Variants in ECE1 observed in about 807,000 individuals in gnomAD.
ECE1 encodes the protein endothelin-converting enzyme 1.
A neutral mutation model predicts 98.6 loss-of-function variants in ECE1; 35 were observed. That is an observed-to-expected ratio of 0.35 (90% CI 0.27 to 0.47). The LOEUF is 0.47. Ranked by LOEUF, ECE1 falls within the 20% of genes least tolerant of loss-of-function variation. The pLI is 1.00. For synonymous variants in ECE1, 394 were observed against 407.1 expected, an observed-to-expected ratio of 0.97 and a Z score of 0.39; for missense variants, 814 against 1,025.3, an observed-to-expected ratio of 0.79 and a Z score of 2.81.
At position 21,261,499 on chromosome 1, in the gene ECE1, C is replaced by G. The variant is rs538433209; in HGVS notation, c.494-1107G>C. Among the ~76,000 whole-genome samples the G allele has an allele frequency of 5.3e-5, 8 of 152,290 alleles. No individual in the cohort carries two copies. In the South Asian group the frequency reaches 6.2e-4, roughly 12 times the overall value. On this transcript the variant is annotated intron_variant, in intron 4 of 18. Transcript: ENST00000374893. ...GGACCCTGTTAAAATCCTACTCAAC[C>G]TCAAGGCCTCTACGGGGACATCTTT...
intron 1 of ECE1, among the ~76,000 whole-genome samples, chr1:21,315,033 A>G (rs1203910094): frequency 6.6e-6 from 1 of 152,202 alleles, no homozygotes; most frequent in Non-Finnish European, 1.5e-5. Flanking sequence ...TATCCCCAGT[A>G]GAAAACCCTC....
intron 4 of ECE1, among the ~76,000 whole-genome samples, chr1:21,270,337 G>C (rs1160168061): frequency 6.6e-6 from 1 of 152,370 alleles, no homozygotes; most frequent in East Asian, 1.9e-4. Context: ...GGACATCCGT[G>C]TCTCTCCTTC....
chr1:21,279,111 AG>A, intron 3 of ECE1, 79 bp downstream of exon 3: 1 of 1,611,020 alleles, frequency 6.2e-7, no homozygotes. Context: ...CGGCTTAAGC[AG>A]GGAAGCCCCC....
Position 21,325,444 on chromosome 1 carries a change from G to A in ECE1, c.3+19932C>T, listed in dbSNP as rs118163073. On this transcript the variant is annotated intron_variant, in intron 1 of 18. Transcript: ENST00000415912. ...AGCTGCCTGTCCCCACACCAGAAAG[G>A]GCACTCCCTGCTCCCCATGCAGGCT... is the stretch of plus-strand genomic sequence containing the variant. 3.3e-5 allele frequency among the ~76,000 whole-genome samples: 5 copies of A among 152,336 alleles called. No individual in the cohort carries two copies. The East Asian group carries it at 9.6e-4, about 29-fold the overall frequency.
At chr1:21,250,512 G>C (rs1279354495) in intron 8 of ECE1, among the ~76,000 whole-genome samples, 1 of 152,198 alleles carries the variant, frequency 6.6e-6, no homozygotes, top group Admixed American at 6.5e-5. Flanking sequence ...TCCTGGGCCT[G>C]TCCAATTCCA....
chr1:21,222,841 C>CAAAAAAA (rs888811259), intron 17 of ECE1, among the ~76,000 whole-genome samples: 1 of 27,798 alleles, frequency 3.6e-5, no homozygotes, highest in Non-Finnish European at 6.1e-5. Context: ...GACCCTGTCT[C>CAAAAAAA]AAAAAAAAAA....
chr1:21,290,992 G>A (rs2098266140), upstream of ECE1, among the ~76,000 whole-genome samples: 1 of 152,170 alleles, frequency 6.6e-6, no homozygotes, highest in African/African-American at 2.4e-5. This position sits in a 1 kb window ranked among gnomAD's most constrained non-coding sequence, Gnocchi z 7.3. Flanking sequence ...TGGCTGCAGG[G>A]TGGTCCGGTG....
chr1:21,263,630 A>G (rs2098229988), intron 4 of ECE1, among the ~76,000 whole-genome samples: 1 of 151,672 alleles, frequency 6.6e-6, no homozygotes, highest in Non-Finnish European at 1.5e-5. Context: ...CTGGGATTAC[A>G]GGCGTGAGCC....
chr1:21,331,457 T>C (rs1223820675), intron 1 of ECE1, among the ~76,000 whole-genome samples: 1 of 151,882 alleles, frequency 6.6e-6, no homozygotes, highest in African/African-American at 2.4e-5. Flanking sequence ...TGGTGCACGC[T>C]TGTAGTCTCA....
In ECE1 at chr1:21,256,115, G is replaced by A. The variant is rs1363000698; in HGVS notation, c.852C>T (p.Tyr284=). 4 of 1,605,166 alleles carry A rather than the reference G, an allele frequency of 2.5e-6. No individual in the cohort carries two copies. Among genetic ancestry groups the A allele is most frequent in the Non-Finnish European group, 3.4e-6 (4 of 1,172,622 alleles). The change falls in exon 8 of 19, where the codon TAC becomes TAT. Residue 284 remains tyrosine, a synonymous_variant. Transcript: ENST00000374893. ...NEKVLTGYLN[Y]MVQLGKLLGG... is the part of the protein sequence containing the mutation. The stretch of plus-strand genomic sequence containing the variant: ...CCAGCAGCTTCCCCAGCTGGACCAT[G>A]TAGTTCAGATATCCGGTCAGCACCT...
rs2098165181 is a variant in ECE1, at chr1:21,219,891, G to T, written c.*64C>A. Reference sequence around the variant, plus strand: ...AAGCGGGCTGAGCAATGCCCTGGAGGCTGGATGGGGGTCTCGTCCTCAGCC... The same window carrying T: ...AAGCGGGCTGAGCAATGCCCTGGAGTCTGGATGGGGGTCTCGTCCTCAGCC... On this transcript the variant is annotated 3_prime_UTR_variant, in exon 19 of 19. Coordinates refer to ENST00000374893, the MANE Select transcript of ECE1 (RefSeq NM_001397.3). This position sits in a 1 kb window ranked among gnomAD's most constrained non-coding sequence, Gnocchi z 4.5. 2 of 1,601,482 alleles carry T rather than the reference G, an allele frequency of 1.2e-6. No individual in the cohort carries two copies. Among genetic ancestry groups the T allele is most frequent in the East Asian group, 4.5e-5 (2 of 44,672 alleles).
In ECE1 at chr1:21,272,601, A is replaced by G. The variant is rs530016163; in HGVS notation, c.493+98T>C. On this transcript the variant is annotated intron_variant, in intron 4 of 18. Transcript: ENST00000374893. ...GCCACCGTGCCCGGCCCATTCTGCC[A>G]AGCTCCTCCTTTAAGCAGGCGCAGC... 2.0e-6 allele frequency: 3 copies of G among 1,465,008 alleles called. No homozygotes were observed. The East Asian group carries it at 7.1e-5, about 35-fold the overall frequency. 90.8% of individuals were successfully genotyped at this position (1,465,008 alleles called of 1,614,324 possible).
rs760672694 is a variant in ECE1 at position 21,231,338 on chromosome 1, T to A, written c.1670+2220A>T. On this transcript the variant is annotated intron_variant, in intron 14 of 18. Coordinates refer to ENST00000374893, the MANE Select transcript of ECE1 (RefSeq NM_001397.3). ...GGTGAGCCCCACAGCCATGGGAACA[T>A]ACTGAGAACTTTATTTATTTTGAGA... 2.2e-4 allele frequency among the ~76,000 whole-genome samples: 33 copies of A among 152,216 alleles called. No individual in the cohort carries two copies. The South Asian group carries it at 2.7e-3, about 12-fold the overall frequency.
chr1:21,289,984 A>C, intron 2 of ECE1, 86 bp downstream of exon 2: 1 of 1,045,084 alleles, frequency 9.6e-7, no homozygotes, highest in Non-Finnish European at 1.1e-6. Context: ...GAGGCGGGGT[A>C]GGTAGGGGCG....
At chr1:21,275,157 C>A (rs544511776) in intron 3 of ECE1, among the ~76,000 whole-genome samples, 5 of 152,268 alleles carry the variant, frequency 3.3e-5, no homozygotes, top group African/African-American at 4.8e-5. Flanking sequence ...GAGAGTGAGC[C>A]TAACGCGGGA....
chr1:21,218,509 C>T lies in ECE1; in HGVS notation c.*1446G>A, dbSNP rs2103193131. The T allele has an allele frequency of 6.6e-6, 1 of 152,410 alleles. No homozygotes were observed. The highest frequency in any genetic ancestry group is 6.5e-5 in the Admixed American group (1 of 15,292). 9.4% of individuals were successfully genotyped at this position (152,410 alleles called of 1,614,324 possible). On this transcript the variant is annotated 3_prime_UTR_variant, in exon 19 of 19. Transcript: ENST00000374893. The surrounding 1 kb of genome is among the most constrained non-coding windows in gnomAD (Gnocchi z 4.0). Reference sequence around the variant, plus strand: ...AAGGCACTAGAGGACTGGACTGGTCCTGGGAGCCAGGCCCAGCCATGTGGT... The same window carrying T: ...AAGGCACTAGAGGACTGGACTGGTCTTGGGAGCCAGGCCCAGCCATGTGGT...
rs886695322 is a variant in ECE1, at chr1:21,319,083, G to T, written c.3+26293C>A. 6.6e-6 allele frequency among the ~76,000 whole-genome samples: 1 copy of T among 152,194 alleles called. No homozygotes were observed. Among genetic ancestry groups the T allele is most frequent in the African/African-American group, 2.4e-5 (1 of 41,442 alleles). On this transcript the variant is annotated intron_variant, in intron 1 of 18. Transcript: ENST00000415912. This position sits in a 1 kb window ranked among gnomAD's most constrained non-coding sequence, Gnocchi z 4.4. ...AGTGAGGCCAGGCACGGTGGCTCAAGCTCGTAATCCAAGCACTTTGGGAAG... is the reference window on the plus strand; with the variant it reads ...AGTGAGGCCAGGCACGGTGGCTCAATCTCGTAATCCAAGCACTTTGGGAAG...
intron 1 of ECE1, among the ~76,000 whole-genome samples, chr1:21,301,756 G>C (rs1409936175): frequency 6.7e-6 from 1 of 149,982 alleles, no homozygotes; most frequent in Non-Finnish European, 1.5e-5. Context: ...AACCCAGGAG[G>C]TGGAGGTTGC....
rs574667551 is a variant in ECE1 at position 21,309,917 on chromosome 1, G to A, written c.4-19761C>T. Among the ~76,000 whole-genome samples the A allele has an allele frequency of 3.3e-5, 5 of 151,516 alleles. No individual in the cohort carries two copies. The East Asian group carries it at 9.7e-4, about 30-fold the overall frequency. ...CGCCATTCTCCTGCCTCAGCCTCCC[G>A]AGTAGGTGGGACTACAGGCGCCCGC... On this transcript the variant is annotated intron_variant, in intron 1 of 18. Transcript: ENST00000415912.
Sources: gnomAD v4.1 joint callset for allele counts (sites outside exome capture counted in the v4.1 genomes callset) on GRCh38, gnomAD v4.1.1 for gene constraint, Gnocchi (gnomAD v3.1) non-coding constraint, MANE v1.5 for transcripts, NCBI Gene and HGNC (gene_info 2026-07-23, HGNC 2026-07-21) for gene names.